The following WWC2 variants were observed in gnomAD, a reference collection of about 807,000 sequenced individuals.
The protein encoded by WWC2 is WW and C2 domain containing 2.
WWC2 carries 101 observed loss-of-function variants against 138.5 expected under a neutral mutation model. The observed-to-expected ratio is 0.73, with a 90% CI of 0.62 to 0.86. The LOEUF is 0.86. WWC2 is among the 40% of genes least tolerant of loss of function. The pLI is 0.00. For missense variants in WWC2, 1,420 were observed against 1,419.4 expected, an observed-to-expected ratio of 1.00 and a Z score of -0.01; for synonymous variants, 558 against 538.4, an observed-to-expected ratio of 1.04 and a Z score of -0.50.
chr4:183,279,205 A>T (rs1243695858), intron 16 of WWC2, among the ~76,000 whole-genome samples: 1 of 152,048 alleles, frequency 6.6e-6, no homozygotes, highest in East Asian at 1.9e-4. Flanking sequence ...AATTTTGTCA[A>T]AGGCTTTTTC....
rs763597616 is a variant in WWC2 at position 183,320,149 on chromosome 4, A to G, written c.*4420A>G. 11 of 1,614,032 alleles carry G rather than the reference A, an allele frequency of 6.8e-6. No individual in the cohort carries two copies. In the East Asian group the frequency reaches 2.0e-4, roughly 29 times the overall value. On this transcript the variant is annotated 3_prime_UTR_variant, in exon 23 of 23. Coordinates refer to ENST00000403733, the MANE Select transcript of WWC2 (RefSeq NM_024949.6). ...TGTGGCAGGTAGTTTGTAAGACAGG[A>G]TAAAACCCATCCCAGCAAAGATAAT...
At chr4:183,181,626 C>G (rs200011745) in intron 1 of WWC2, among the ~76,000 whole-genome samples, 1 of 136,790 alleles carries the variant, frequency 7.3e-6, no homozygotes, top group African/African-American at 2.5e-5. Context: ...GTATATAATA[C>G]AGTGTACAAA....
At chr4:183,176,627 T>C (rs1273102373) in intron 1 of WWC2, among the ~76,000 whole-genome samples, 1 of 152,158 alleles carries the variant, frequency 6.6e-6, no homozygotes, top group Non-Finnish European at 1.5e-5. Context: ...TTCACCATAT[T>C]GGCCAGGCTG....
chr4:183,287,626 T>G (rs1332135150), intron 20 of WWC2, among the ~76,000 whole-genome samples: 1 of 152,202 alleles, frequency 6.6e-6, no homozygotes, highest in East Asian at 1.9e-4. Context: ...AAGTGGAGAA[T>G]GGTATTCTGC....
chr4:183,251,238 T>A (rs766963664), intron 8 of WWC2, among the ~76,000 whole-genome samples: 21 of 152,260 alleles, frequency 1.4e-4, no homozygotes, highest in Non-Finnish European at 2.4e-4. Context: ...GATCAACTTC[T>A]GGTTTTGTGG....
At chr4:183,289,871 G>A (rs1738385750) in intron 21 of WWC2, among the ~76,000 whole-genome samples, 1 of 150,304 alleles carries the variant, frequency 6.7e-6, no homozygotes, top group Non-Finnish European at 1.5e-5. Flanking sequence ...GATGGGCGTG[G>A]CCAGTAGGGT....
chr4:183,301,011 A>T (rs756901495), intron 21 of WWC2, among the ~76,000 whole-genome samples: 8 of 152,184 alleles, frequency 5.3e-5, no homozygotes, highest in Non-Finnish European at 7.3e-5. Flanking sequence ...TTACCTATGC[A>T]TGATTCATTT....
intron 5 of WWC2, among the ~76,000 whole-genome samples, chr4:183,241,734 T>G (rs903511165): frequency 6.6e-6 from 1 of 151,896 alleles, no homozygotes; most frequent in Admixed American, 6.6e-5. Context: ...ATGACATAAA[T>G]GCATTATTTA....
chr4:183,162,080 A>G (rs1376433653), intron 1 of WWC2, among the ~76,000 whole-genome samples: 1 of 152,222 alleles, frequency 6.6e-6, no homozygotes, highest in Non-Finnish European at 1.5e-5. Flanking sequence ...GTTGATAGTG[A>G]ATCCAAACTT....
chr4:183,112,042 G>A (rs1374923943), intron 1 of WWC2, among the ~76,000 whole-genome samples: 4 of 152,048 alleles, frequency 2.6e-5, no homozygotes, highest in Non-Finnish European at 5.9e-5. Context: ...CCCCTTTTCT[G>A]CTAAATGACA....
At chr4:183,133,427 T>C (rs1337641775) in intron 1 of WWC2, among the ~76,000 whole-genome samples, 1 of 152,184 alleles carries the variant, frequency 6.6e-6, no homozygotes, top group East Asian at 1.9e-4. Context: ...TTAAGTGTTC[T>C]GATTTTTTTT....
chr4:183,245,593 C>T lies in WWC2; in HGVS notation c.732+48C>T, dbSNP rs376086505. The T allele has an allele frequency of 7.9e-5, 119 of 1,498,886 alleles. 1 individual carries two copies. The African/African-American group carries it at 1.5e-3, about 19-fold the overall frequency. 92.8% of individuals were successfully genotyped at this position (1,498,886 alleles called of 1,614,324 possible). A position where few individuals can be genotyped will look rare whatever the true frequency, so the allele number is the denominator to read the frequency against. On this transcript the variant is annotated intron_variant, in intron 6 of 22. Transcript: ENST00000403733. Reference sequence around the variant, plus strand: ...AAGCCAAACTTCTACCTTCTGAGGCCCCCAGAAACTCTTACTGGGGCAGAA... The same window carrying T: ...AAGCCAAACTTCTACCTTCTGAGGCTCCCAGAAACTCTTACTGGGGCAGAA...
At chr4:183,155,520 G>A (rs1733781302) in intron 1 of WWC2, among the ~76,000 whole-genome samples, 1 of 152,114 alleles carries the variant, frequency 6.6e-6, no homozygotes, top group African/African-American at 2.4e-5. Context: ...GAAGAGTGTT[G>A]CTGGAGAGGT....
At chr4:183,123,734 C>T (rs1442844053) in intron 1 of WWC2, among the ~76,000 whole-genome samples, 2 of 152,082 alleles carry the variant, frequency 1.3e-5, no homozygotes, top group Non-Finnish European at 2.9e-5. Context: ...GAATTTTCCA[C>T]ATGCCTTTTC....
chr4:183,209,611 G>A (rs1424155980), intron 4 of WWC2, among the ~76,000 whole-genome samples: 1 of 152,084 alleles, frequency 6.6e-6, no homozygotes, highest in Admixed American at 6.6e-5. Context: ...TTCCCTCATT[G>A]TGCTGAGTTT....
chr4:183,282,917 C>T lies in WWC2; in HGVS notation c.2883+11C>T, dbSNP rs539943863. 3.1e-5 allele frequency: 48 copies of T among 1,564,898 alleles called. No individual in the cohort carries two copies. Among genetic ancestry groups the T allele is most frequent in the African/African-American group, 5.4e-5 (4 of 73,722 alleles). On this transcript the variant is annotated intron_variant, in intron 18 of 22. Transcript: ENST00000403733. ...AGAATACCAACACTGGTGACTATTC[C>T]GCTGTGCTGTCTTAAAACTGATACC...
At chr4:183,113,243 A>T (rs985419850) in intron 1 of WWC2, among the ~76,000 whole-genome samples, 7 of 152,022 alleles carry the variant, frequency 4.6e-5, no homozygotes, top group African/African-American at 1.7e-4. Context: ...CTGCAAATAC[A>T]GAACGTTTCC....
intron 4 of WWC2, among the ~76,000 whole-genome samples, chr4:183,216,050 A>G (rs1231302199): frequency 6.6e-6 from 1 of 152,240 alleles, no homozygotes; most frequent in Non-Finnish European, 1.5e-5. Flanking sequence ...GATATAATGA[A>G]TACATTCAAA....
chr4:183,190,959 T>C (rs1734972525), intron 1 of WWC2, among the ~76,000 whole-genome samples: 1 of 152,230 alleles, frequency 6.6e-6, no homozygotes, highest in South Asian at 2.1e-4. Context: ...TATTTCTCTT[T>C]TGGCACTTAA....
Sources: allele counts gnomAD v4.1 joint callset (sites outside exome capture counted in the v4.1 genomes callset), GRCh38; gene constraint gnomAD v4.1.1; transcripts MANE v1.5; gene names NCBI Gene and HGNC (gene_info 2026-07-23, HGNC 2026-07-21).